Variants in CTNNA2 observed in about 807,000 individuals in gnomAD.
The protein encoded by CTNNA2 is catenin alpha-2.
CTNNA2 carries 42 observed loss-of-function variants against 101.0 expected under a neutral mutation model. That is an observed-to-expected ratio of 0.42 (90% confidence interval 0.32 to 0.54). CTNNA2 has a LOEUF of 0.54. Ranked by LOEUF, CTNNA2 falls within the 20% of genes least tolerant of loss-of-function variation. The pLI is 0.14. For synonymous variants in CTNNA2, 450 were observed against 456.4 expected (o/e 0.99, Z 0.18); for missense variants, 871 against 1,223.1 (o/e 0.71, Z 4.29).
intron 1 of CTNNA2, among the ~76,000 whole-genome samples, chr2:79,599,073 T>C (rs1456157486): frequency 1.3e-5 from 2 of 152,204 alleles, no homozygotes. Flanking sequence ...TGCTCCATTC[T>C]GTTGCCTTCT....
chr2:79,531,724 C>G (rs1383116332), intron 1 of CTNNA2, among the ~76,000 whole-genome samples: 2 of 151,540 alleles, frequency 1.3e-5, no homozygotes, highest in African/African-American at 4.9e-5. Context: ...CTCTGTTGCC[C>G]AGGCTGGAGT....
At chr2:80,534,048 T>C (rs1220185811) in intron 9 of CTNNA2, among the ~76,000 whole-genome samples, 3 of 152,120 alleles carry the variant, frequency 2.0e-5, no homozygotes, top group Non-Finnish European at 4.4e-5. Context: ...TGTTCATGAA[T>C]GTGAGCTGGT....
At chr2:80,235,521 C>T (rs1429193971) in intron 7 of CTNNA2, among the ~76,000 whole-genome samples, 1 of 152,218 alleles carries the variant, frequency 6.6e-6, no homozygotes, top group Non-Finnish European at 1.5e-5. Context: ...CAAGTGGCTG[C>T]TGGCTCCTTT....
chr2:79,825,647 A>C (rs1328231265), intron 3 of CTNNA2, among the ~76,000 whole-genome samples: 1 of 152,164 alleles, frequency 6.6e-6, no homozygotes, highest in East Asian at 1.9e-4. Context: ...AAATATACAA[A>C]ATAATGGGAA....
intron 7 of CTNNA2, among the ~76,000 whole-genome samples, chr2:80,222,792 C>T (rs1411558988): frequency 1.3e-5 from 2 of 152,150 alleles, no homozygotes; most frequent in Non-Finnish European, 2.9e-5. Flanking sequence ...TCTCAAATCC[C>T]ACCAAAGCAC....
chr2:80,360,209 TTA>T (rs1674265969), intron 7 of CTNNA2, among the ~76,000 whole-genome samples: 1 of 152,080 alleles, frequency 6.6e-6, no homozygotes, highest in African/African-American at 2.4e-5. Flanking sequence ...AACCATAAGT[TTA>T]TATATGCTGA....
intron 2 of CTNNA2, among the ~76,000 whole-genome samples, chr2:79,257,168 A>C (rs996427708): frequency 6.6e-6 from 1 of 152,126 alleles, no homozygotes; most frequent in Non-Finnish European, 1.5e-5. Flanking sequence ...CCATAGTAAA[A>C]GTTAAGAATA....
At chr2:79,466,368 C>T (rs1451176065) in intron 4 of CTNNA2, among the ~76,000 whole-genome samples, 1 of 152,200 alleles carries the variant, frequency 6.6e-6, no homozygotes, top group Non-Finnish European at 1.5e-5. Flanking sequence ...AGTAGGTAAA[C>T]AAAGTAGCCT....
At chr2:80,079,866 A>ATAAAAT (rs1310942349) in intron 7 of CTNNA2, among the ~76,000 whole-genome samples, 1 of 143,678 alleles carries the variant, frequency 7.0e-6, no homozygotes, top group Non-Finnish European at 1.5e-5. Flanking sequence ...ATAAAATAAA[A>ATAAAAT]TAAAATAAAA....
chr2:79,775,462 A>G (rs1429189742), intron 3 of CTNNA2, among the ~76,000 whole-genome samples: 2 of 152,162 alleles, frequency 1.3e-5, no homozygotes, highest in African/African-American at 4.8e-5. Flanking sequence ...AAGTTAAAGC[A>G]TTTTTTAAAA....
chr2:79,745,554 CTGAAACTCT>C (rs1424295347), intron 3 of CTNNA2, among the ~76,000 whole-genome samples: 1 of 152,172 alleles, frequency 6.6e-6, no homozygotes, highest in Non-Finnish European at 1.5e-5. Context: ...ATCTTGCAAA[CTGAAACTCT>C]ATACCCATTA....
intron 4 of CTNNA2, among the ~76,000 whole-genome samples, chr2:79,422,960 T>C (rs1678554486): frequency 6.6e-6 from 1 of 152,160 alleles, no homozygotes; most frequent in African/African-American, 2.4e-5. Context: ...CTCATAGACT[T>C]CCAAGGTTAG....
chr2:80,309,487 A>T (rs1677334655), intron 7 of CTNNA2, among the ~76,000 whole-genome samples: 1 of 152,166 alleles, frequency 6.6e-6, no homozygotes, highest in Admixed American at 6.5e-5. Context: ...GACATTAAAC[A>T]TCTTGGAGAT....
chr2:80,424,486 C>T (rs1003347509), intron 9 of CTNNA2, among the ~76,000 whole-genome samples: 3 of 152,126 alleles, frequency 2.0e-5, no homozygotes, highest in Non-Finnish European at 2.9e-5. Flanking sequence ...GATTGAATGG[C>T]AAACATGTGT....
intron 7 of CTNNA2, among the ~76,000 whole-genome samples, chr2:80,353,022 C>T (rs968807396): frequency 5.9e-5 from 9 of 152,008 alleles, no homozygotes; most frequent in African/African-American, 1.7e-4. Context: ...AGACAAAACC[C>T]TCTAAATGAG....
chr2:80,109,821 G>A (rs536049301), intron 7 of CTNNA2, among the ~76,000 whole-genome samples: 83 of 152,154 alleles, frequency 5.5e-4, no homozygotes, highest in African/African-American at 1.8e-3. Flanking sequence ...CCCCACCCAC[G>A]GTGCTCACTA....
chr2:79,277,270 A>G (rs1573015830), intron 2 of CTNNA2, among the ~76,000 whole-genome samples: 1 of 152,082 alleles, frequency 6.6e-6, no homozygotes, highest in Non-Finnish European at 1.5e-5. Flanking sequence ...AAAGCTATTT[A>G]TCTTTCTTAT....
intron 3 of CTNNA2, among the ~76,000 whole-genome samples, chr2:79,368,644 C>T (rs1677802405): frequency 6.6e-6 from 1 of 152,162 alleles, no homozygotes; most frequent in African/African-American, 2.4e-5. Context: ...CTCCATGAGA[C>T]ACATGACAGG....
chr2:79,969,722 T>C (rs1015859428), intron 7 of CTNNA2, among the ~76,000 whole-genome samples: 2 of 152,220 alleles, frequency 1.3e-5, no homozygotes, highest in African/African-American at 4.8e-5. Flanking sequence ...TGTCTTCCTT[T>C]GGTTGCTTTT....
Sources: allele counts gnomAD v4.1 joint callset (sites outside exome capture counted in the v4.1 genomes callset), GRCh38; gene constraint gnomAD v4.1.1; transcripts MANE v1.5; gene names NCBI Gene and HGNC (gene_info 2026-07-23, HGNC 2026-07-21).